Variants in NEGR1 observed in about 807,000 individuals in gnomAD.
The protein encoded by NEGR1 is neuronal growth regulator 1.
In NEGR1, 10 loss-of-function variants were observed where a neutral mutation model predicts 40.9. The observed-to-expected ratio is 0.24, with a 90% CI of 0.15 to 0.42. The LOEUF is 0.42. NEGR1 is among the 10% of genes least tolerant of loss of function. The pLI is 1.00. For synonymous variants in NEGR1, 185 were observed against 166.8 expected (o/e 1.11, Z -0.84); for missense variants, 352 against 438.9 (o/e 0.80, Z 1.77).
At chr1:71,563,164 C>T (rs144591749) in intron 6 of NEGR1, among the ~76,000 whole-genome samples, 1 of 151,906 alleles carries the variant, frequency 6.6e-6, no homozygotes. Flanking sequence ...CTCCATGAAA[C>T]ATATTGGAAT....
At chr1:72,114,262 G>T (rs1649496741) in intron 1 of NEGR1, among the ~76,000 whole-genome samples, 1 of 151,330 alleles carries the variant, frequency 6.6e-6, no homozygotes, top group African/African-American at 2.4e-5. Context: ...ATGGGTTAAA[G>T]GCCTTAATAG....
intron 1 of NEGR1, among the ~76,000 whole-genome samples, chr1:72,269,752 G>T (rs1465469367): frequency 6.6e-6 from 1 of 150,724 alleles, no homozygotes; most frequent in African/African-American, 2.4e-5. Context: ...ATGGATGAGA[G>T]GTTTTTTTCA....
chr1:71,828,882 C>T (rs1034961092), intron 2 of NEGR1, among the ~76,000 whole-genome samples: 10 of 151,924 alleles, frequency 6.6e-5, no homozygotes, highest in Admixed American at 1.3e-4. Flanking sequence ...ACACTACTGA[C>T]GGCTGAGCCA....
intron 1 of NEGR1, among the ~76,000 whole-genome samples, chr1:72,092,253 G>A (rs1648528609): frequency 6.6e-6 from 1 of 152,116 alleles, no homozygotes; most frequent in African/African-American, 2.4e-5. Context: ...TTAGGAGGCT[G>A]GAGGGCATCC....
chr1:71,954,105 T>C (rs1392661765), intron 1 of NEGR1, among the ~76,000 whole-genome samples: 1 of 151,934 alleles, frequency 6.6e-6, no homozygotes, highest in Non-Finnish European at 1.5e-5. Flanking sequence ...TGGTTCTTTA[T>C]AGACAGGAAT....
chr1:71,454,641 A>G (rs768854391), intron 6 of NEGR1, among the ~76,000 whole-genome samples: 1 of 152,188 alleles, frequency 6.6e-6, no homozygotes, highest in South Asian at 2.1e-4. Context: ...GAAGCATGAG[A>G]AATGGAAAGA....
At chr1:71,611,456 C>A (rs1650247221) in intron 4 of NEGR1, among the ~76,000 whole-genome samples, 2 of 152,210 alleles carry the variant, frequency 1.3e-5, no homozygotes, top group Admixed American at 1.3e-4. Context: ...CAGTCCAACT[C>A]TACTGCAGTA....
At chr1:71,726,482 G>C (rs1166142902) in intron 3 of NEGR1, among the ~76,000 whole-genome samples, 2 of 151,986 alleles carry the variant, frequency 1.3e-5, no homozygotes, top group African/African-American at 4.8e-5. Context: ...AGGAGCTGGT[G>C]GTAAGAACTC....
intron 4 of NEGR1, among the ~76,000 whole-genome samples, chr1:71,691,307 A>G (rs747418995): frequency 1.4e-4 from 21 of 151,958 alleles, no homozygotes; most frequent in Non-Finnish European, 7.4e-5. Flanking sequence ...TTACACCATG[A>G]AAGTCCCAAG....
chr1:71,935,463 G>C, intron 1 of NEGR1, 152 bp from the exon 2 acceptor site: 1 of 625,406 alleles, frequency 1.6e-6, no homozygotes, highest in East Asian at 2.7e-5. Context: ...ACATACTGAT[G>C]CATCTTCCAT....
intron 6 of NEGR1, among the ~76,000 whole-genome samples, chr1:71,412,959 G>A (rs1427309033): frequency 1.3e-5 from 2 of 152,038 alleles, no homozygotes; most frequent in African/African-American, 4.8e-5. Flanking sequence ...AACAGAACAG[G>A]CTGTCATTCT....
intron 6 of NEGR1, among the ~76,000 whole-genome samples, chr1:71,414,543 T>G (rs2101267518): frequency 6.6e-6 from 1 of 152,298 alleles, no homozygotes; most frequent in East Asian, 1.9e-4. Context: ...TCCTTTCCAT[T>G]ATTTCTGGTG....
At chr1:71,969,159 C>T (rs1357395585) in intron 1 of NEGR1, among the ~76,000 whole-genome samples, 1 of 152,024 alleles carries the variant, frequency 6.6e-6, no homozygotes, top group African/African-American at 2.4e-5. Flanking sequence ...AGATTACAGG[C>T]ACCCGCCACC....
At chr1:72,026,796 C>T (rs557372430) in intron 1 of NEGR1, among the ~76,000 whole-genome samples, 4 of 152,218 alleles carry the variant, frequency 2.6e-5, no homozygotes, top group African/African-American at 9.6e-5. Flanking sequence ...TTGGTGAATT[C>T]CATACATTAT....
At chr1:71,878,989 C>T (rs1660508484) in intron 2 of NEGR1, among the ~76,000 whole-genome samples, 1 of 151,880 alleles carries the variant, frequency 6.6e-6, no homozygotes, top group Non-Finnish European at 1.5e-5. Flanking sequence ...TAAAATTAGC[C>T]AGGGGTGGTG....
At chr1:71,685,956 T>C (rs1401365630) in intron 4 of NEGR1, among the ~76,000 whole-genome samples, 1 of 5,142 alleles carries the variant, frequency 1.9e-4, no homozygotes, top group African/African-American at 2.2e-4. Flanking sequence ...ATGTCAGAGG[T>C]TAATGGCCAG....
At chr1:72,242,009 A>G (rs1266611495) in intron 1 of NEGR1, among the ~76,000 whole-genome samples, 1 of 151,310 alleles carries the variant, frequency 6.6e-6, no homozygotes, top group African/African-American at 2.4e-5. Context: ...TTCCTTTCCC[A>G]AAAGACAAAG....
At chr1:71,528,807 T>G (rs1647277194) in intron 6 of NEGR1, among the ~76,000 whole-genome samples, 2 of 151,218 alleles carry the variant, frequency 1.3e-5, no homozygotes, top group Non-Finnish European at 3.0e-5. Flanking sequence ...AACAATTGTT[T>G]CGGTTTTTTC....
At chr1:71,491,360 T>C (rs183459327) in intron 6 of NEGR1, among the ~76,000 whole-genome samples, 104 of 152,108 alleles carry the variant, frequency 6.8e-4, no homozygotes, top group Admixed American at 5.9e-3. Flanking sequence ...CCCCTGAGGA[T>C]ACCAAGGGAC....
Sources: allele counts gnomAD v4.1 joint callset (sites outside exome capture counted in the v4.1 genomes callset), GRCh38; gene constraint gnomAD v4.1.1; transcripts MANE v1.5; gene names NCBI Gene and HGNC (gene_info 2026-07-23, HGNC 2026-07-21).